STXBP4: variants seen among roughly 807,000 people sequenced by gnomAD.
STXBP4 encodes syntaxin-binding protein 4.
A neutral mutation model predicts 76.1 loss-of-function variants in STXBP4; 55 were observed. The observed-to-expected ratio is 0.72, with a 90% CI of 0.58 to 0.91. STXBP4 has a LOEUF of 0.91. STXBP4 is among the 40% of genes least tolerant of loss of function. The pLI, the probability that STXBP4 is intolerant of heterozygous loss-of-function variation, is 0.00. For missense variants in STXBP4, 618 were observed against 636.9 expected (o/e 0.97, Z 0.32); for synonymous variants, 201 against 220.2 (o/e 0.91, Z 0.77).
chr17:54,989,262 C>T (rs1324791274), intron 3 of STXBP4, among the ~76,000 whole-genome samples: 1 of 152,124 alleles, frequency 6.6e-6, no homozygotes, highest in African/African-American at 2.4e-5. Flanking sequence ...CGTCCACCAC[C>T]GCGCCTGGCT....
the STXBP4 span, among the ~76,000 whole-genome samples, chr17:55,189,047 G>C: frequency 1.3e-5 from 2 of 152,032 alleles, no homozygotes; most frequent in East Asian, 1.9e-4. Flanking sequence ...CCCTCAAGCA[G>C]ATGTGGGCAC....
intron 16 of STXBP4, among the ~76,000 whole-genome samples, chr17:55,084,538 A>G (rs903798164): frequency 2.0e-5 from 3 of 150,908 alleles, no homozygotes; most frequent in African/African-American, 4.9e-5. Flanking sequence ...TTGGTGTTTT[A>G]GACATGAAGT....
chr17:55,043,930 C>T, intron 11 of STXBP4: 1 of 301,564 alleles, frequency 3.3e-6, no homozygotes, highest in Non-Finnish European at 6.1e-6. Flanking sequence ...CTCACTGCAG[C>T]CTCAACCTCC....
intron 8 of STXBP4, among the ~76,000 whole-genome samples, chr17:55,016,733 G>A (rs1310409300): frequency 2.6e-5 from 4 of 152,198 alleles, no homozygotes; most frequent in Non-Finnish European, 4.4e-5. Flanking sequence ...TAAATCCCCT[G>A]TAAGGAAATC....
In STXBP4 at chr17:55,166,845, G is replaced by A. The variant is rs1286135663; in HGVS notation, c.*6934G>A. ...CTGAGCTGGGTTACTGAGTCTTAGA[G>A]GCTTGAAATCTGGTTCTACCTTCTC... On this transcript the variant is annotated 3_prime_UTR_variant, in exon 18 of 18. Coordinates refer to ENST00000376352, the MANE Select transcript of STXBP4 (RefSeq NM_178509.6). 6.6e-6 allele frequency: 1 copy of A among 152,240 alleles called. No individual in the cohort carries two copies. Among genetic ancestry groups the A allele is most frequent in the Non-Finnish European group, 1.5e-5 (1 of 68,082 alleles). 9.4% of individuals were successfully genotyped at this position (152,240 alleles called of 1,614,324 possible). A position where few individuals can be genotyped will look rare whatever the true frequency, so the allele number is the denominator to read the frequency against.
chr17:55,034,033 C>T, intron 9 of STXBP4, 135 bp from the exon 10 acceptor site: 1 of 550,700 alleles, frequency 1.8e-6, no homozygotes. Context: ...TTACATTTAC[C>T]TATCACTTCA....
Position 55,168,164 on chromosome 17 carries a change from G to A in STXBP4, c.*8253G>A, listed in dbSNP as rs1367818389. 6.6e-6 allele frequency: 1 copy of A among 151,740 alleles called. No individual in the cohort carries two copies. The highest frequency in any genetic ancestry group is 6.6e-5 in the Admixed American group (1 of 15,250). 9.4% of individuals were successfully genotyped at this position (151,740 alleles called of 1,614,324 possible). On this transcript the variant is annotated 3_prime_UTR_variant, in exon 18 of 18. Coordinates refer to ENST00000376352, the MANE Select transcript of STXBP4 (RefSeq NM_178509.6). ...ATATAAGGGAAATTTGAAGGAAATA[G>A]AATGCATACATACACACACATACAC... is the stretch of plus-strand genomic sequence containing the variant.
chr17:55,126,713 C>T (rs2079916766), intron 16 of STXBP4, among the ~76,000 whole-genome samples: 1 of 152,174 alleles, frequency 6.6e-6, no homozygotes, highest in African/African-American at 2.4e-5. Context: ...GATTCTGGTG[C>T]GTGACTGTTG....
rs1394646171 is a variant in STXBP4 at position 55,167,873 on chromosome 17, G to A, written c.*7962G>A. Reference sequence around the variant, plus strand: ...CAGCACACACGAGAAGAGACAACAGGAAGACAAAACAAATTGAGTAGATAA... The same window carrying A: ...CAGCACACACGAGAAGAGACAACAGAAAGACAAAACAAATTGAGTAGATAA... On this transcript the variant is annotated 3_prime_UTR_variant, in exon 18 of 18. Transcript: ENST00000376352. 1 of 152,108 alleles carries A rather than the reference G, an allele frequency of 6.6e-6. No homozygotes were observed. The highest frequency in any genetic ancestry group is 2.4e-5 in the African/African-American group (1 of 41,434). The allele number at this position is 152,108 out of a possible 1,614,324, so 9.4% of individuals were successfully genotyped here.
rs542694625 is a variant in STXBP4, at chr17:54,981,376, C to T, written c.-156-4238C>T. Among the ~76,000 whole-genome samples, 37 of 150,736 alleles carry T rather than the reference C, an allele frequency of 2.5e-4. No homozygotes were observed. In the South Asian group the frequency reaches 4.0e-3, roughly 16 times the overall value. ...ATTAAAATAGAATGGCATTGGTGTACAAATAAACAACCTAACCAAAGGGCC... is the reference window on the plus strand; with the variant it reads ...ATTAAAATAGAATGGCATTGGTGTATAAATAAACAACCTAACCAAAGGGCC... On this transcript the variant is annotated intron_variant, in intron 1 of 17. Transcript: ENST00000376352.
At chr17:55,008,075 A>T (rs929498152) in intron 8 of STXBP4, among the ~76,000 whole-genome samples, 1 of 152,204 alleles carries the variant, frequency 6.6e-6, no homozygotes, top group African/African-American at 2.4e-5. Flanking sequence ...ACTGAAAAGT[A>T]GTCCTGGGGA....
intron 17 of STXBP4, among the ~76,000 whole-genome samples, chr17:55,157,361 T>A (rs780208949): frequency 3.9e-5 from 6 of 152,226 alleles, no homozygotes; most frequent in Non-Finnish European, 8.8e-5. Context: ...TTACACTCAT[T>A]AGTATTTCTT....
chr17:55,068,590 C>G (rs1026664365), intron 12 of STXBP4, among the ~76,000 whole-genome samples: 1 of 152,100 alleles, frequency 6.6e-6, no homozygotes, highest in Non-Finnish European at 1.5e-5. Flanking sequence ...AATTGAGTGC[C>G]TCAGGAAAAC....
At position 55,169,894 on chromosome 17, in the gene STXBP4, A is replaced by G. The variant is rs1252519761; in HGVS notation, c.*9983A>G. The stretch of plus-strand genomic sequence containing the variant: ...AAGTGAACCTTTAAGGCTGTGGACA[A>G]TGCAAACTCCCTCATGTACCTTGCT... On this transcript the variant is annotated 3_prime_UTR_variant, in exon 18 of 18. Transcript: ENST00000376352. 5 of 152,230 alleles carry G rather than the reference A, an allele frequency of 3.3e-5. No homozygotes were observed. Among genetic ancestry groups the G allele is most frequent in the Non-Finnish European group, 7.3e-5 (5 of 68,046 alleles). 9.4% of individuals were successfully genotyped at this position (152,230 alleles called of 1,614,324 possible).
rs982884630 is a variant in STXBP4 at position 55,149,081 on chromosome 17, A to G, written c.1547+7714A>G. ...GCATTTTATTCTTAATGAGGCTACA[A>G]TGAAGAAACCAACAGAGGACTTAAA... On this transcript the variant is annotated intron_variant, in intron 17 of 17. Coordinates refer to ENST00000376352, the MANE Select transcript of STXBP4 (RefSeq NM_178509.6). Among the ~76,000 whole-genome samples the G allele has an allele frequency of 3.3e-5, 5 of 152,354 alleles. No individual in the cohort carries two copies. In the East Asian group the frequency reaches 9.6e-4, roughly 29 times the overall value.
intron 16 of STXBP4, among the ~76,000 whole-genome samples, chr17:55,110,405 G>A (rs1419337913): frequency 6.6e-6 from 1 of 152,204 alleles, no homozygotes; most frequent in South Asian, 2.1e-4. Flanking sequence ...GAGTTAGGAG[G>A]AAGACGTCTT....
chr17:55,084,316 T>A (rs1480019396), intron 16 of STXBP4, among the ~76,000 whole-genome samples: 7 of 152,224 alleles, frequency 4.6e-5, no homozygotes, highest in Non-Finnish European at 7.3e-5. Flanking sequence ...TTGCCCACTT[T>A]TTGATGGGGT....
At chr17:55,072,754 C>G in intron 12 of STXBP4, 146 bp from the exon 13 acceptor site, 1 of 556,616 alleles carries the variant, frequency 1.8e-6, no homozygotes, top group East Asian at 3.4e-5. Context: ...AATAACATAA[C>G]TATTAATTTT....
At chr17:55,115,194 G>A (rs1256692276) in intron 16 of STXBP4, among the ~76,000 whole-genome samples, 1 of 151,820 alleles carries the variant, frequency 6.6e-6, no homozygotes, top group Non-Finnish European at 1.5e-5. Flanking sequence ...GAAGGAAACA[G>A]ACCACTGTAG....
Sources: gnomAD v4.1 joint callset for allele counts (sites outside exome capture counted in the v4.1 genomes callset) on GRCh38, gnomAD v4.1.1 for gene constraint, MANE v1.5 for transcripts, NCBI Gene and HGNC (gene_info 2026-07-23, HGNC 2026-07-21) for gene names.